ADAMTS20: variants seen among roughly 807,000 people sequenced by gnomAD.
ADAMTS20 encodes the protein A disintegrin and metalloproteinase with thrombospondin motifs 20.
In ADAMTS20, 225 loss-of-function variants were observed where a neutral mutation model predicts 260.1. That is an observed-to-expected ratio of 0.87 (90% confidence interval 0.78 to 0.97). The LOEUF is 0.97. ADAMTS20 is among the 50% of genes least tolerant of loss of function. ADAMTS20 has a pLI of 0.00. For missense variants in ADAMTS20, 2,400 were observed against 2,337.7 expected (o/e 1.03, Z -0.55); for synonymous variants, 802 against 769.5 (o/e 1.04, Z -0.70).
chr12:43,411,131 G>A (rs1156849395), intron 28 of ADAMTS20, among the ~76,000 whole-genome samples: 2 of 152,090 alleles, frequency 1.3e-5, no homozygotes, highest in South Asian at 4.1e-4. Flanking sequence ...CATTATTGTT[G>A]TTTACTCAGA....
chr12:43,439,492 C>T (rs1941618140), intron 18 of ADAMTS20, 130 bp downstream of exon 18: 5 of 1,089,208 alleles, frequency 4.6e-6, no homozygotes, highest in African/African-American at 1.6e-5. Context: ...AGATTGAAAA[C>T]TTTTGTATGT....
chr12:43,492,673 TCC>T, intron 5 of ADAMTS20, 44 bp from the exon 6 acceptor site: 2 of 1,600,626 alleles, frequency 1.2e-6, no homozygotes, highest in Non-Finnish European at 1.7e-6. Flanking sequence ...AATATTAACG[TCC>T]TCTTTTCCTT....
chr12:43,439,606 T>C lies in ADAMTS20; in HGVS notation c.2593+16A>G, dbSNP rs200694715. On this transcript the variant is annotated intron_variant, in intron 18 of 38. Coordinates refer to ENST00000389420, the MANE Select transcript of ADAMTS20 (RefSeq NM_025003.5). Reference sequence around the variant, plus strand: ...TGCACAGTCAGTCTTTTCTCCCTTATTGAATGCCAGCGTACCTTGACACAT... The same window carrying C: ...TGCACAGTCAGTCTTTTCTCCCTTACTGAATGCCAGCGTACCTTGACACAT... The C allele has an allele frequency of 1.9e-6, 3 of 1,592,808 alleles. No homozygotes were observed. The highest frequency in any genetic ancestry group is 1.7e-6 in the Non-Finnish European group (2 of 1,173,152).
chr12:43,429,560 T>C, intron 24 of ADAMTS20, 57 bp downstream of exon 24: 2 of 1,207,562 alleles, frequency 1.7e-6, no homozygotes, highest in South Asian at 2.9e-5. Context: ...ACCATTTTGT[T>C]GATGTCTAAA....
At chr12:43,391,535 G>A (rs553933812) in intron 29 of ADAMTS20, among the ~76,000 whole-genome samples, 8 of 152,242 alleles carry the variant, frequency 5.3e-5, no homozygotes, top group African/African-American at 1.9e-4. Context: ...TGATGCCAAC[G>A]TTAAAAAAGT....
chr12:43,428,331 C>T lies in ADAMTS20; in HGVS notation c.3855G>A (p.Leu1285=), dbSNP rs566592631. 28 of 1,613,760 alleles carry T rather than the reference C, an allele frequency of 1.7e-5. No homozygotes were observed. Among genetic ancestry groups the T allele is most frequent in the Non-Finnish European group, 2.2e-5 (26 of 1,179,878 alleles). ...VQPSYYLSTN[L]PLTQKLEDNE... Reference sequence around the variant, plus strand: ...TATCTTCAAGTTTTTGAGTTAATGGCAAATTCGTGCTTAGATAATAGCTTG... The same window carrying T: ...TATCTTCAAGTTTTTGAGTTAATGGTAAATTCGTGCTTAGATAATAGCTTG... Residue 1285 remains leucine, a synonymous_variant, in exon 26 of 39, where the codon TTG becomes TTA. Coordinates refer to ENST00000389420, the MANE Select transcript of ADAMTS20 (RefSeq NM_025003.5).
chr12:43,411,830 C>T (rs1422503848), intron 28 of ADAMTS20, among the ~76,000 whole-genome samples: 1 of 152,180 alleles, frequency 6.6e-6, no homozygotes, highest in Non-Finnish European at 1.5e-5. Flanking sequence ...GTTTTCTCCA[C>T]ATTTTGACTT....
chr12:43,539,008 A>G (rs1943336854), intron 2 of ADAMTS20, among the ~76,000 whole-genome samples: 1 of 144,100 alleles, frequency 6.9e-6, no homozygotes, highest in Non-Finnish European at 1.5e-5. Context: ...ACTGGAGTGC[A>G]GTGGCGTGAT....
At chr12:43,548,560 A>C (rs1479071424) in intron 2 of ADAMTS20, among the ~76,000 whole-genome samples, 2 of 152,218 alleles carry the variant, frequency 1.3e-5, no homozygotes, top group African/African-American at 2.4e-5. Flanking sequence ...ATTAATCCAA[A>C]GAAATTTAAT....
In ADAMTS20 at chr12:43,444,613, C is replaced by T. The variant is rs142475060; in HGVS notation, c.2198-730G>A. ...TTATCTAACATATATTAAGAAAAAA[C>T]ATTTTCATGAAAACTAAAAACACTC... On this transcript the variant is annotated intron_variant, in intron 15 of 38. Coordinates refer to ENST00000389420, the MANE Select transcript of ADAMTS20 (RefSeq NM_025003.5). 3.6e-3 allele frequency among the ~76,000 whole-genome samples: 555 copies of T among 152,164 alleles called. 2 individuals carry two copies. Among genetic ancestry groups the T allele is most frequent in the South Asian group, 0.018 (89 of 4,814 alleles).
Position 43,383,554 on chromosome 12 carries a change from T to C in ADAMTS20, c.4797+4A>G. ...AAATTCTCAACTTCCTTTCTTTACC[T>C]TACCTGTGATGAGTCTGCTGTTACC... On this transcript the variant is annotated splice_donor_region_variant and intron_variant, in intron 31 of 38. Transcript: ENST00000389420. The C allele has an allele frequency of 6.2e-7, 1 of 1,600,608 alleles. No individual in the cohort carries two copies. The highest frequency in any genetic ancestry group is 1.1e-5 in the South Asian group (1 of 88,570).
intron 3 of ADAMTS20, among the ~76,000 whole-genome samples, chr12:43,528,387 AGC>A (rs1943175638): frequency 2.2e-5 from 3 of 133,858 alleles, no homozygotes; most frequent in South Asian, 2.4e-4. Context: ...CAAATCCGGA[AGC>A]AATATATACC....
chr12:43,508,357 A>G (rs1942874723), intron 3 of ADAMTS20, among the ~76,000 whole-genome samples: 1 of 152,176 alleles, frequency 6.6e-6, no homozygotes, highest in African/African-American at 2.4e-5. Flanking sequence ...AATCTACAAC[A>G]TACAGAGCTT....
At chr12:43,365,616 C>G (rs1229525107) in intron 37 of ADAMTS20, among the ~76,000 whole-genome samples, 1 of 151,894 alleles carries the variant, frequency 6.6e-6, no homozygotes, top group East Asian at 1.9e-4. Flanking sequence ...GTAACAAACT[C>G]TATGAATATA....
intron 14 of ADAMTS20, among the ~76,000 whole-genome samples, chr12:43,447,446 T>C (rs117650762): frequency 0.024 from 3,652 of 152,248 alleles, 69 homozygotes; most frequent in East Asian, 0.079. Context: ...TCAACACTCC[T>C]TCATGTTAAG....
At chr12:43,403,283 T>C (rs1318864488) in intron 28 of ADAMTS20, among the ~76,000 whole-genome samples, 2 of 152,148 alleles carry the variant, frequency 1.3e-5, no homozygotes, top group African/African-American at 4.8e-5. Flanking sequence ...ATTGACTTAA[T>C]TTGTGGGAGT....
Position 43,504,456 on chromosome 12 carries a change from G to T in ADAMTS20, c.614-2051C>A, listed in dbSNP as rs188142543. Among the ~76,000 whole-genome samples the T allele has an allele frequency of 2.7e-3, 405 of 152,126 alleles. 1 individual carries two copies. Among genetic ancestry groups the T allele is most frequent in the African/African-American group, 9.2e-3 (382 of 41,508 alleles). On this transcript the variant is annotated intron_variant, in intron 3 of 38. Coordinates refer to ENST00000389420, the MANE Select transcript of ADAMTS20 (RefSeq NM_025003.5). Reference sequence around the variant, plus strand: ...CTAGGTTTTAAAATTTATCTCAGTGGAAAATTCTGGAAATTTGACAAATTG... The same window carrying T: ...CTAGGTTTTAAAATTTATCTCAGTGTAAAATTCTGGAAATTTGACAAATTG...
intron 28 of ADAMTS20, among the ~76,000 whole-genome samples, chr12:43,401,622 T>C (rs893222510): frequency 1.3e-5 from 2 of 151,912 alleles, no homozygotes; most frequent in East Asian, 1.9e-4. Context: ...TTTAATCTAT[T>C]AAACTAATAT....
At chr12:43,509,279 CA>C (rs954319988) in intron 3 of ADAMTS20, among the ~76,000 whole-genome samples, 24 of 151,854 alleles carry the variant, frequency 1.6e-4, no homozygotes, top group African/African-American at 5.8e-4. Flanking sequence ...CGTTTAAAAA[CA>C]AAAGGAAAGA....
Sources: allele counts gnomAD v4.1 joint callset (sites outside exome capture counted in the v4.1 genomes callset), GRCh38; gene constraint gnomAD v4.1.1; transcripts MANE v1.5; gene names NCBI Gene and HGNC (gene_info 2026-07-23, HGNC 2026-07-21).